ZNF782: variants seen among roughly 807,000 people sequenced by gnomAD.
The protein encoded by ZNF782 is zinc finger protein 782.
Under a neutral mutation model 13.0 loss-of-function variants are expected in ZNF782, and 12 were observed. That is an observed-to-expected ratio of 0.92 (90% CI 0.59 to 1.50). ZNF782 has a LOEUF of 1.50. Ranked by LOEUF, ZNF782 falls within the 40% of genes most tolerant of loss-of-function variation. ZNF782 has a pLI of 0.00. For missense variants in ZNF782, 770 were observed against 822.9 expected, an observed-to-expected ratio of 0.94 and a Z score of 0.79; for synonymous variants, 284 against 283.0, an observed-to-expected ratio of 1.00 and a Z score of -0.04.
At chr9:96,900,741 CAAACAAAACA>C in the ZNF782 span, among the ~76,000 whole-genome samples, 1 of 152,306 alleles carries the variant, frequency 6.6e-6, no homozygotes, top group South Asian at 2.1e-4. Flanking sequence ...AACTCTGTCT[CAAACAAAACA>C]AAACAAAACA....
the ZNF782 span, among the ~76,000 whole-genome samples, chr9:96,882,232 C>A: frequency 1.3e-5 from 2 of 152,032 alleles, no homozygotes; most frequent in South Asian, 4.1e-4. Context: ...GTTACTAGAT[C>A]TGCATTTTTA....
chr9:96,831,346 G>C (rs1850793963), intron 4 of ZNF782, among the ~76,000 whole-genome samples: 1 of 152,152 alleles, frequency 6.6e-6, no homozygotes, highest in South Asian at 2.1e-4. Flanking sequence ...TCAACTTCCT[G>C]ATACTGACAT....
At chr9:96,829,542 CAAT>C (rs1434527420) in intron 4 of ZNF782, among the ~76,000 whole-genome samples, 1 of 152,116 alleles carries the variant, frequency 6.6e-6, no homozygotes, top group Non-Finnish European at 1.5e-5. Context: ...ACTCCTTTCT[CAAT>C]AATTTATAGA....
the ZNF782 span, among the ~76,000 whole-genome samples, chr9:96,933,071 A>T: frequency 7.0e-6 from 1 of 142,462 alleles, no homozygotes; most frequent in Admixed American, 7.3e-5. Flanking sequence ...TCTACCTCCC[A>T]GGTTCACGTC....
At chr9:96,902,778 GTTT>G in the ZNF782 span, 258 of 118,714 alleles carry the variant, frequency 2.2e-3, 7 homozygotes, top group African/African-American at 9.8e-3. Flanking sequence ...AGTTCTATCA[GTTT>G]ATTATTATTA....
intron 5 of ZNF782, among the ~76,000 whole-genome samples, chr9:96,821,906 T>C (rs1850430829): frequency 6.6e-6 from 1 of 152,196 alleles, no homozygotes; most frequent in Non-Finnish European, 1.5e-5. Flanking sequence ...CCTCGTGATC[T>C]GCCCACCTTA....
chr9:96,886,208 G>GA, the ZNF782 span, among the ~76,000 whole-genome samples: 17,264 of 88,308 alleles, frequency 0.2, 2,459 homozygotes, highest in African/African-American at 0.43. Context: ...TTTAAGTACA[G>GA]AAAAAAAAAA....
At chr9:96,916,214 T>G in the ZNF782 span, among the ~76,000 whole-genome samples, 1 of 151,934 alleles carries the variant, frequency 6.6e-6, no homozygotes. Flanking sequence ...CTTTCTGGCC[T>G]GGCGCAATGG....
At chr9:96,912,901 T>C in the ZNF782 span, among the ~76,000 whole-genome samples, 1 of 151,944 alleles carries the variant, frequency 6.6e-6, no homozygotes, top group Non-Finnish European at 1.5e-5. Flanking sequence ...TGAAACAATG[T>C]TGTCCAACAA....
chr9:96,834,620 G>A (rs1850925862), intron 4 of ZNF782, among the ~76,000 whole-genome samples: 1 of 152,188 alleles, frequency 6.6e-6, no homozygotes, highest in Admixed American at 6.5e-5. Flanking sequence ...AGTTGAAGCA[G>A]CATGACGTCC....
At chr9:96,874,061 T>A (rs1289516574) in intron 1 of ZNF782, among the ~76,000 whole-genome samples, 2 of 152,224 alleles carry the variant, frequency 1.3e-5, no homozygotes, top group Non-Finnish European at 2.9e-5. Flanking sequence ...TTTTTAACTC[T>A]GGTATTGTGT....
At chr9:96,886,135 A>G in the ZNF782 span, among the ~76,000 whole-genome samples, 1 of 152,034 alleles carries the variant, frequency 6.6e-6, no homozygotes, top group Non-Finnish European at 1.5e-5. Context: ...GGCATCAGCT[A>G]TCACACCTGG....
the ZNF782 span, among the ~76,000 whole-genome samples, chr9:96,925,002 A>C: frequency 6.6e-6 from 1 of 152,210 alleles, no homozygotes; most frequent in African/African-American, 2.4e-5. Context: ...CATGACCAGG[A>C]GGCGATTACC....
chr9:96,858,265 T>C, upstream of ZNF782, among the ~76,000 whole-genome samples: 1 of 152,164 alleles, frequency 6.6e-6, no homozygotes, highest in East Asian at 1.9e-4. This position sits in a 1 kb window ranked among gnomAD's most constrained non-coding sequence, Gnocchi z 4.4. Context: ...TTGCCTGTGT[T>C]TAGAGATTGG....
upstream of ZNF782, among the ~76,000 whole-genome samples, chr9:96,877,527 C>T (rs2118902398): frequency 6.6e-6 from 1 of 152,388 alleles, no homozygotes; most frequent in Admixed American, 6.5e-5. Context: ...TTCCTCCGCG[C>T]GTCTCCCGCC....
the ZNF782 span, chr9:96,918,912 G>C: frequency 5.1e-6 from 1 of 196,524 alleles, no homozygotes; most frequent in Admixed American, 4.9e-5. Flanking sequence ...AAGTGATAAA[G>C]AAACTGAAGA....
chr9:96,883,515 A>C, the ZNF782 span, among the ~76,000 whole-genome samples: 2 of 152,092 alleles, frequency 1.3e-5, no homozygotes, highest in Non-Finnish European at 2.9e-5. Context: ...CAGAGAGAGA[A>C]GGTTTAGACT....
chr9:96,870,488 G>A (rs1315421648), intron 1 of ZNF782, among the ~76,000 whole-genome samples: 1 of 152,118 alleles, frequency 6.6e-6, no homozygotes, highest in African/African-American at 2.4e-5. Flanking sequence ...TACAATTCAA[G>A]TTAACTCAAG....
chr9:96,885,239 G>A, the ZNF782 span, among the ~76,000 whole-genome samples: 1 of 151,580 alleles, frequency 6.6e-6, no homozygotes, highest in African/African-American at 2.4e-5. Context: ...GCTTCAACAA[G>A]CAATTGCGAT....
Sources: allele counts gnomAD v4.1 joint callset (sites outside exome capture counted in the v4.1 genomes callset), GRCh38; gene constraint gnomAD v4.1.1; non-coding constraint Gnocchi (gnomAD v3.1); transcripts MANE v1.5; gene names NCBI Gene and HGNC (gene_info 2026-07-23, HGNC 2026-07-21).